ASCC3: variants seen among roughly 807,000 people sequenced by gnomAD.
The protein encoded by ASCC3 is activating signal cointegrator 1 complex subunit 3, also known as ASC-1 complex subunit P200.
In ASCC3, 158 loss-of-function variants were observed where a neutral mutation model predicts 256.3. The observed-to-expected ratio is 0.62, with a 90% CI of 0.54 to 0.70. ASCC3 has a LOEUF of 0.70. Ranked by LOEUF, ASCC3 falls within the 30% of genes least tolerant of loss-of-function variation. The pLI is 0.00. For missense variants in ASCC3, 2,259 were observed against 2,626.0 expected (o/e 0.86, Z 3.05); for synonymous variants, 948 against 883.4 (o/e 1.07, Z -1.30).
At chr6:100,822,310 G>A (rs1481714120) in intron 4 of ASCC3, among the ~76,000 whole-genome samples, 1 of 152,152 alleles carries the variant, frequency 6.6e-6, no homozygotes, top group African/African-American at 2.4e-5. Flanking sequence ...GCTGAGGCAG[G>A]CAGATCACTT....
Position 100,767,185 on chromosome 6 carries a change from T to C in ASCC3, c.1556A>G (p.Gln519Arg). Residue 519 changes from glutamine (Q) to arginine (R), a missense_variant, in exon 9 of 42, where the codon CAA becomes CGA. This residue lies in a region of ASCC3 where 1,839 missense variants were observed against 2,206.7 expected (regional missense o/e 0.83). Coordinates refer to ENST00000369162, the MANE Select transcript of ASCC3 (RefSeq NM_006828.4). ...AMLTVLHEIR[Q>R]HFQQGVIKKN... ...TTTGATAACACCTTGTTGAAAATGT[T>C]GGCGAATTTCATGCAAGACTGTCAG... The C allele has an allele frequency of 6.2e-7, 1 of 1,614,188 alleles. No individual in the cohort carries two copies. Among genetic ancestry groups the C allele is most frequent in the Non-Finnish European group, 8.5e-7 (1 of 1,180,036 alleles).
chr6:100,584,139 C>G (rs544855835), intron 36 of ASCC3, among the ~76,000 whole-genome samples: 256 of 150,992 alleles, frequency 1.7e-3, no homozygotes, highest in African/African-American at 5.6e-3. Context: ...TCCTGGGTAT[C>G]CTTGTTGACT....
In ASCC3 at chr6:100,589,622, T is replaced by A. The variant is rs1426662785; in HGVS notation, c.5550+12A>T. On this transcript the variant is annotated intron_variant, in intron 36 of 41. Coordinates refer to ENST00000369162, the MANE Select transcript of ASCC3 (RefSeq NM_006828.4). ...ATTAAAAGAGAAGATATGAAATATA[T>A]GAAAAACTCACACTTAGAATTGAAA... 1.2e-6 allele frequency: 2 copies of A among 1,613,022 alleles called. No homozygotes were observed. Among genetic ancestry groups the A allele is most frequent in the East Asian group, 2.2e-5 (1 of 44,822 alleles).
At chr6:100,775,550 C>T (rs978000073) in intron 8 of ASCC3, among the ~76,000 whole-genome samples, 6 of 151,966 alleles carry the variant, frequency 3.9e-5, no homozygotes, top group East Asian at 3.9e-4. Context: ...TTATCTTGTT[C>T]GGTAAGTATC....
At chr6:100,741,104 T>C (rs1331016187) in intron 10 of ASCC3, among the ~76,000 whole-genome samples, 1 of 152,232 alleles carries the variant, frequency 6.6e-6, no homozygotes, top group Non-Finnish European at 1.5e-5. Flanking sequence ...AGCATTTGCT[T>C]CTCTGAAAAG....
In ASCC3 at chr6:100,867,984, C is replaced by T. The variant is rs1429046257; in HGVS notation, c.14G>A (p.Arg5His). The T allele has an allele frequency of 1.3e-5, 21 of 1,612,862 alleles. No individual in the cohort carries two copies. The highest frequency in any genetic ancestry group is 1.7e-5 in the Admixed American group (1 of 59,972). The change falls in exon 2 of 42, where the codon CGT becomes CAT. Residue 5 changes from arginine to histidine, a missense_variant. Physicochemically the swap from Arg to His is conservative, Grantham distance 29 (BLOSUM62 0). Around this residue, in one of 2 missense-constraint regions of ASCC3, gnomAD observed 420 missense variants for 419.3 expected, o/e 1.00. Coordinates refer to ENST00000369162, the MANE Select transcript of ASCC3 (RefSeq NM_006828.4). Reference protein sequence around the residue: MALPRLTGALRSFSN... With the variant: MALPHLTGALRSFSN... Reference sequence around the variant, plus strand: ...AAAGGAACGCAAGGCTCCTGTGAGACGAGGTAAAGCCATCTATTATTCAAT... The same window carrying T: ...AAAGGAACGCAAGGCTCCTGTGAGATGAGGTAAAGCCATCTATTATTCAAT...
intron 3 of ASCC3, chr6:100,856,913 T>C (rs1173184248): frequency 6.6e-6 from 1 of 152,150 alleles, no homozygotes; most frequent in Admixed American, 6.5e-5. Context: ...CTATTTTTGA[T>C]ATACATGTAT....
Position 100,509,423 on chromosome 6 carries a change from T to C in ASCC3, c.6572A>G (p.Lys2191Arg). The change falls in exon 42 of 42, where the codon AAG becomes AGG. Residue 2191 changes from lysine to arginine, a missense_variant. This residue lies in a region of ASCC3 where 1,839 missense variants were observed against 2,206.7 expected (regional missense o/e 0.83). Coordinates refer to ENST00000369162, the MANE Select transcript of ASCC3 (RefSeq NM_006828.4). ...QASLSAQVNT[K>R]VSDSLTDLAL... ...CAGGTCAGTCAGGGAATCAGAGACC[T>C]TGGTGTTGACCTGTGCAGAAAGACT... 6.2e-7 allele frequency: 1 copy of C among 1,614,218 alleles called. No homozygotes were observed. The highest frequency in any genetic ancestry group is 8.5e-7 in the Non-Finnish European group (1 of 1,180,036).
At chr6:100,544,448 A>C (rs1391200077) in intron 36 of ASCC3, among the ~76,000 whole-genome samples, 2 of 152,120 alleles carry the variant, frequency 1.3e-5, no homozygotes, top group Admixed American at 1.3e-4. Flanking sequence ...AAAGGAGAGA[A>C]GACACACACC....
intron 26 of ASCC3, 150 bp downstream of exon 26, chr6:100,630,978 G>A (rs1774511776): frequency 1.7e-6 from 1 of 594,248 alleles, no homozygotes; most frequent in East Asian, 2.9e-5. Context: ...TTAAATAAAT[G>A]ACTATGAAAA....
rs983484683 is a variant in ASCC3 at position 100,772,818 on chromosome 6, A to T, written c.1396-5473T>A. ...AAGAAACCTAAGATCTCTAAATTTT[A>T]TTTTCTCCTCTGCAAGGTAATACTG... On this transcript the variant is annotated intron_variant, in intron 8 of 41. Transcript: ENST00000369162. Among the ~76,000 whole-genome samples the T allele has an allele frequency of 2.0e-5, 3 of 152,126 alleles. No homozygotes were observed. In the South Asian group the frequency reaches 6.2e-4, roughly 31 times the overall value.
intron 36 of ASCC3, among the ~76,000 whole-genome samples, chr6:100,585,929 T>G (rs576211855): frequency 2.6e-4 from 40 of 152,274 alleles, no homozygotes; most frequent in African/African-American, 9.1e-4. Flanking sequence ...CTGTCTGATC[T>G]TTCTTCTGGA....
chr6:100,536,387 C>T (rs1775163456), intron 37 of ASCC3, among the ~76,000 whole-genome samples: 1 of 152,098 alleles, frequency 6.6e-6, no homozygotes, highest in African/African-American at 2.4e-5. Context: ...CAAATAAATA[C>T]AAATGTCTGT....
intron 10 of ASCC3, among the ~76,000 whole-genome samples, chr6:100,728,719 T>A (rs1779755489): frequency 1.3e-5 from 2 of 151,546 alleles, no homozygotes; most frequent in Non-Finnish European, 2.9e-5. Context: ...TGGAAAAAAA[T>A]TCATAATATT....
At chr6:100,602,670 T>C (rs1411195174) in intron 33 of ASCC3, among the ~76,000 whole-genome samples, 1 of 152,082 alleles carries the variant, frequency 6.6e-6, no homozygotes, top group Non-Finnish European at 1.5e-5. Context: ...ATTCTCTTCA[T>C]TAATTTGTAA....
chr6:100,770,403 G>A (rs1479456637), intron 8 of ASCC3, among the ~76,000 whole-genome samples: 1 of 151,528 alleles, frequency 6.6e-6, no homozygotes, highest in Non-Finnish European at 1.5e-5. Context: ...TCTAAAACCA[G>A]GAATAGGAAG....
In ASCC3 at chr6:100,864,049, AAAAG is replaced by A. The variant is rs754717775; in HGVS notation, c.241+11_241+14del. 109 of 1,525,326 alleles carry A rather than the reference AAAAG, an allele frequency of 7.1e-5. 1 individual carries two copies. The East Asian group carries it at 1.5e-3, about 21-fold the overall frequency. 94.5% of individuals were successfully genotyped at this position (1,525,326 alleles called of 1,614,324 possible). On this transcript the variant is annotated intron_variant, in intron 3 of 41. Transcript: ENST00000369162. ...GTTCTCTTTAAAAAAAAAAAAGAAA[AAAAG>A]AAAACTATACCTATCTGCTTTGCAG...
chr6:100,809,127 G>A (rs1770333920), intron 4 of ASCC3, among the ~76,000 whole-genome samples: 1 of 151,490 alleles, frequency 6.6e-6, no homozygotes, highest in South Asian at 2.1e-4. Context: ...TACTACCGTA[G>A]ACTTTATAAA....
In ASCC3 at chr6:100,525,584, T is replaced by G. The variant is rs528931806; in HGVS notation, c.5776-7442A>C. The stretch of plus-strand genomic sequence containing the variant: ...ACCCTCAACATAGGTACAAGTATTA[T>G]ATATCAAGAAAAAAATTTTAAAAAG... On this transcript the variant is annotated intron_variant, in intron 37 of 41. Transcript: ENST00000369162. Among the ~76,000 whole-genome samples, 260 of 152,204 alleles carry G rather than the reference T, an allele frequency of 1.7e-3. 2 individuals are homozygous for G. The highest frequency in any genetic ancestry group is 2.5e-3 in the Non-Finnish European group (173 of 67,992).
Sources: allele counts gnomAD v4.1 joint callset (sites outside exome capture counted in the v4.1 genomes callset), GRCh38; gene constraint gnomAD v4.1.1; regional missense constraint gnomAD v4.1.1; transcripts MANE v1.5; gene names NCBI Gene and HGNC (gene_info 2026-07-23, HGNC 2026-07-21).